Variants in SYT2 observed in about 807,000 individuals in gnomAD.
The protein encoded by SYT2 is synaptotagmin-2.
A neutral mutation model predicts 39.9 loss-of-function variants in SYT2; 15 were observed. The observed-to-expected ratio is 0.38, with a 90% CI of 0.25 to 0.58. The LOEUF is 0.58. SYT2 is among the 20% of genes least tolerant of loss of function. SYT2 has a pLI of 0.70. For missense variants in SYT2, 389 were observed against 530.3 expected (o/e 0.73, Z 2.62); for synonymous variants, 181 against 204.5 (o/e 0.89, Z 0.98).
In SYT2 at chr1:202,655,658, AG is replaced by A. The variant is rs139131092; in HGVS notation, c.-17-49870del. Among the ~76,000 whole-genome samples, 1,056 of 152,286 alleles carry A rather than the reference AG, an allele frequency of 6.9e-3. 14 individuals carry two copies. The highest frequency in any genetic ancestry group is 0.025 in the African/African-American group (1,026 of 41,550). On this transcript the variant is annotated intron_variant, in intron 1 of 8. Transcript: ENST00000367268. ...TCCCTAGGGTCCTGCAGTGAGTGGC[AG>A]GGGTTACACGATCCTGCTTGATGTG... is the stretch of plus-strand genomic sequence containing the variant.
chr1:202,661,606 G>A (rs1281381179), intron 1 of SYT2, among the ~76,000 whole-genome samples: 1 of 152,116 alleles, frequency 6.6e-6, no homozygotes, highest in Non-Finnish European at 1.5e-5. Context: ...CTCAGCCCGT[G>A]GCCTCAATTT....
intron 1 of SYT2, among the ~76,000 whole-genome samples, chr1:202,654,854 G>A (rs963969907): frequency 6.6e-6 from 1 of 152,216 alleles, no homozygotes; most frequent in African/African-American, 2.4e-5. Flanking sequence ...ACCAGCTTCT[G>A]CATAATCCAG....
At chr1:202,693,872 T>C (rs1233573198) in intron 1 of SYT2, among the ~76,000 whole-genome samples, 2 of 152,254 alleles carry the variant, frequency 1.3e-5, no homozygotes, top group African/African-American at 4.8e-5. Flanking sequence ...TAGGAAGCAT[T>C]GCACCAGCAT....
At chr1:202,654,172 A>G (rs1692240405) in intron 1 of SYT2, among the ~76,000 whole-genome samples, 1 of 152,214 alleles carries the variant, frequency 6.6e-6, no homozygotes. Context: ...GCAAATAATT[A>G]AGTGTCTTTC....
At chr1:202,612,558 G>T (rs1420593022) in intron 1 of SYT2, among the ~76,000 whole-genome samples, 1 of 152,080 alleles carries the variant, frequency 6.6e-6, no homozygotes, top group African/African-American at 2.4e-5. Flanking sequence ...GTAGAGAAGG[G>T]GTTTCACCAT....
intron 1 of SYT2, among the ~76,000 whole-genome samples, chr1:202,651,831 C>T (rs921808263): frequency 6.6e-6 from 1 of 152,186 alleles, no homozygotes; most frequent in African/African-American, 2.4e-5. Flanking sequence ...GAGGCTGAGG[C>T]AGGCAGATCA....
intron 1 of SYT2, among the ~76,000 whole-genome samples, chr1:202,644,774 CAG>C (rs1166905698): frequency 1.3e-5 from 2 of 152,140 alleles, no homozygotes; most frequent in African/African-American, 2.4e-5. Flanking sequence ...CTCATCCCCA[CAG>C]AGTCTGGGGA....
At chr1:202,688,685 G>A (rs531234265) in intron 1 of SYT2, among the ~76,000 whole-genome samples, 123 of 152,344 alleles carry the variant, frequency 8.1e-4, no homozygotes, top group Middle Eastern at 6.8e-3. Context: ...GGACACATTC[G>A]TTTGCAGCAA....
At chr1:202,643,934 C>T (rs910862692) in intron 1 of SYT2, among the ~76,000 whole-genome samples, 1 of 152,230 alleles carries the variant, frequency 6.6e-6, no homozygotes, top group South Asian at 2.1e-4. Context: ...GGGGAGGGGA[C>T]CCCCTGGCTG....
chr1:202,603,897 G>A (rs1392022078), intron 3 of SYT2, among the ~76,000 whole-genome samples: 1 of 152,164 alleles, frequency 6.6e-6, no homozygotes, highest in Non-Finnish European at 1.5e-5. Flanking sequence ...ACAAACATGG[G>A]GGAAATGGAA....
At chr1:202,609,483 G>A (rs1419275394) in intron 1 of SYT2, among the ~76,000 whole-genome samples, 1 of 152,186 alleles carries the variant, frequency 6.6e-6, no homozygotes, top group Non-Finnish European at 1.5e-5. Flanking sequence ...TTCCACAATG[G>A]TTGAACTAGT....
At chr1:202,667,471 G>A (rs1441874939) in intron 1 of SYT2, among the ~76,000 whole-genome samples, 22 of 18,862 alleles carry the variant, frequency 1.2e-3, no homozygotes, top group South Asian at 8.1e-3. Flanking sequence ...CCAGCCGTGT[G>A]TGTGTGTGTG....
At chr1:202,626,777 A>T (rs1691429848) in intron 1 of SYT2, among the ~76,000 whole-genome samples, 1 of 152,162 alleles carries the variant, frequency 6.6e-6, no homozygotes, top group Non-Finnish European at 1.5e-5. Context: ...CGTGGGCTTT[A>T]GAACAGCCAG....
In SYT2 at chr1:202,680,674, C is replaced by T. The variant is rs2149112639; in HGVS notation, c.-18+29584G>A. 2.0e-5 allele frequency among the ~76,000 whole-genome samples: 3 copies of T among 152,340 alleles called. 1 individual carries two copies. The South Asian group carries it at 6.2e-4, about 32-fold the overall frequency. On this transcript the variant is annotated intron_variant, in intron 1 of 8. Transcript: ENST00000367268. The stretch of plus-strand genomic sequence containing the variant: ...AACCACACAATTGGCATTATTCCCA[C>T]TCATTCCCAGCTTCTTCCTTGCCCC...
At chr1:202,688,540 G>A (rs1653733265) in intron 1 of SYT2, among the ~76,000 whole-genome samples, 2 of 152,234 alleles carry the variant, frequency 1.3e-5, no homozygotes, top group Admixed American at 6.5e-5. Context: ...GATAGCTACA[G>A]AGGGATTTGG....
chr1:202,655,777 C>A (rs1158218127), intron 1 of SYT2, among the ~76,000 whole-genome samples: 2 of 152,194 alleles, frequency 1.3e-5, no homozygotes, highest in Non-Finnish European at 2.9e-5. Flanking sequence ...TGCCAGTCAC[C>A]TTTCATCTGT....
At chr1:202,617,914 G>C in intron 1 of SYT2, among the ~76,000 whole-genome samples, 1 of 152,150 alleles carries the variant, frequency 6.6e-6, no homozygotes, top group South Asian at 2.1e-4. Context: ...TTTTGTTGTT[G>C]TTGTTGTTGA....
intron 1 of SYT2, among the ~76,000 whole-genome samples, chr1:202,615,748 C>T (rs1044628477): frequency 9.9e-5 from 15 of 152,178 alleles, no homozygotes; most frequent in African/African-American, 3.6e-4. Context: ...AACAGACCCC[C>T]ATCCCACAGT....
intron 1 of SYT2, among the ~76,000 whole-genome samples, chr1:202,657,271 G>A (rs944649585): frequency 1.3e-5 from 2 of 152,140 alleles, no homozygotes; most frequent in African/African-American, 2.4e-5. Context: ...CGTTCACCAC[G>A]GTCTTTAGAG....
Sources: allele counts gnomAD v4.1 joint callset (sites outside exome capture counted in the v4.1 genomes callset), GRCh38; gene constraint gnomAD v4.1.1; transcripts MANE v1.5; gene names NCBI Gene and HGNC (gene_info 2026-07-23, HGNC 2026-07-21).